Variants in ATIC observed in about 807,000 individuals in gnomAD.
ATIC encodes bifunctional purine biosynthesis protein ATIC.
Under a neutral mutation model 72.5 loss-of-function variants are expected in ATIC, and 64 were observed. The observed-to-expected ratio is 0.88, with a 90% CI of 0.72 to 1.09. The LOEUF (loss-of-function observed/expected upper bound fraction) is 1.09. Ranked by LOEUF, ATIC falls within the 50% of genes least tolerant of loss-of-function variation. The pLI is 0.00. For synonymous variants in ATIC, 281 were observed against 267.1 expected, an observed-to-expected ratio of 1.05 and a Z score of -0.51; for missense variants, 787 against 732.4, an observed-to-expected ratio of 1.07 and a Z score of -0.86.
rs187808969 is a variant in ATIC, at chr2:215,326,487, G to T, written c.532-335G>T. Among the ~76,000 whole-genome samples, 19 of 152,112 alleles carry T rather than the reference G, an allele frequency of 1.2e-4. No homozygotes were observed. The East Asian group carries it at 3.7e-3, about 29-fold the overall frequency. The stretch of plus-strand genomic sequence containing the variant: ...GAGTGTGGTGTGGTGTGGTACGCCT[G>T]TAATCCCAGCTACTCGGGAGACTGA... On this transcript the variant is annotated intron_variant, in intron 6 of 15. Transcript: ENST00000236959.
the ATIC span, among the ~76,000 whole-genome samples, chr2:215,356,775 C>A: frequency 2.0e-5 from 3 of 152,140 alleles, no homozygotes; most frequent in Non-Finnish European, 4.4e-5. Flanking sequence ...CATGTACATT[C>A]CTTTTATGGT....
intron 7 of ATIC, among the ~76,000 whole-genome samples, chr2:215,327,461 C>A (rs894468545): frequency 6.6e-5 from 10 of 152,122 alleles, no homozygotes; most frequent in African/African-American, 2.4e-4. Flanking sequence ...TAGGCCAAAG[C>A]AGAAATGTGA....
At chr2:215,344,925 T>C in intron 13 of ATIC, 54 bp downstream of exon 13, 1 of 1,523,794 alleles carries the variant, frequency 6.6e-7, no homozygotes, top group Non-Finnish European at 9.1e-7. Context: ...CGAAATGATA[T>C]TTAAACATCC....
At chr2:215,322,399 G>A (rs561048759) in intron 4 of ATIC, among the ~76,000 whole-genome samples, 7 of 146,808 alleles carry the variant, frequency 4.8e-5, no homozygotes, top group South Asian at 2.1e-4. Flanking sequence ...GCGTGATCTC[G>A]GCTCACTGCA....
intron 3 of ATIC, among the ~76,000 whole-genome samples, chr2:215,318,999 G>C (rs2052739508): frequency 6.6e-6 from 1 of 151,570 alleles, no homozygotes; most frequent in East Asian, 2.0e-4. Context: ...TCCCACCTCA[G>C]CCTCCCAAGT....
At chr2:215,353,273 G>A (rs1446952790), downstream of ATIC, among the ~76,000 whole-genome samples, 1 of 151,910 alleles carries the variant, frequency 6.6e-6, no homozygotes, top group African/African-American at 2.4e-5. Flanking sequence ...ACATTGTTTT[G>A]AATGTACGGT....
At chr2:215,338,938 A>G (rs745946959) in intron 12 of ATIC, 31 bp downstream of exon 12, 7 of 1,610,656 alleles carry the variant, frequency 4.3e-6, no homozygotes, top group African/African-American at 2.7e-5. Context: ...ACTGACTGCT[A>G]GTAACTTCCA....
chr2:215,336,248 C>A, intron 11 of ATIC, 124 bp downstream of exon 11: 1 of 784,650 alleles, frequency 1.3e-6, no homozygotes, highest in Non-Finnish European at 2.1e-6. Context: ...TTATTTTCCC[C>A]AATCCTGCAT....
chr2:215,357,669 ATCTTT>A, the ATIC span, among the ~76,000 whole-genome samples: 104 of 151,190 alleles, frequency 6.9e-4, no homozygotes, highest in African/African-American at 2.3e-3. Context: ...TTCAAGTTGA[ATCTTT>A]TATTTTAATG....
At chr2:215,365,218 T>G in the ATIC span, among the ~76,000 whole-genome samples, 765 of 152,300 alleles carry the variant, frequency 5.0e-3, 11 homozygotes, top group Non-Finnish European at 5.5e-3. Flanking sequence ...AATCATATTT[T>G]AAAAGTTGAA....
chr2:215,367,950 C>T, the ATIC span: 1 of 1,614,098 alleles, frequency 6.2e-7, no homozygotes, highest in East Asian at 2.2e-5. Flanking sequence ...CGTTCCCACT[C>T]ATCTCCAACG....
rs1559270969 is a variant in ATIC, at chr2:215,326,844, A to G, written c.554A>G (p.Tyr185Cys). The G allele has an allele frequency of 1.2e-6, 2 of 1,614,030 alleles. No homozygotes were observed. The highest frequency in any genetic ancestry group is 1.3e-5 in the African/African-American group (1 of 74,912). The change falls in exon 7 of 16, where the codon TAT becomes TGT. Residue 185 changes from tyrosine (Y) to cysteine (C), a missense_variant. Tyr to Cys is a radical substitution (Grantham distance 194). Transcript: ENST00000236959. ...TAGGCATTCACTCATACGGCACAAT[A>G]TGATGAAGCAATTTCAGATTATTTC... ...ALKAFTHTAQ[Y>C]DEAISDYFRK...
intron 7 of ATIC, among the ~76,000 whole-genome samples, chr2:215,331,296 A>G (rs926748336): frequency 3.9e-5 from 6 of 151,912 alleles, no homozygotes; most frequent in Non-Finnish European, 5.9e-5. Flanking sequence ...ACATCGTAGT[A>G]GGCAACTCAG....
At chr2:215,361,742 C>T in the ATIC span, 1 of 1,026,754 alleles carries the variant, frequency 9.7e-7, no homozygotes, top group African/African-American at 1.6e-5. Flanking sequence ...GATAATATTT[C>T]TTCCTAGTTT....
chr2:215,347,656 G>A, intron 14 of ATIC: 1 of 489,164 alleles, frequency 2.0e-6, no homozygotes, highest in South Asian at 1.5e-5. Context: ...TGAAGAGTGA[G>A]GCTGCAGAAT....
the ATIC span, chr2:215,361,738 A>G: frequency 9.8e-7 from 1 of 1,025,570 alleles, no homozygotes; most frequent in Non-Finnish European, 1.5e-6. Context: ...ATAGGATAAT[A>G]TTTCTTCCTA....
In ATIC at chr2:215,332,393, G is replaced by A; in HGVS notation, c.700G>A (p.Ala234Thr). ...ATTTTTACATTTAGTTCTAAATGGAGCCCCTGGATTTATAAACTTGTGCGA... is the reference window on the plus strand; with the variant it reads ...ATTTTTACATTTAGTTCTAAATGGAACCCCTGGATTTATAAACTTGTGCGA... Reference protein sequence around the residue: ...PKLPITVLNGAPGFINLCDAL... With the variant: ...PKLPITVLNGTPGFINLCDAL... The change falls in exon 8 of 16, where the codon GCC (alanine) becomes ACC (threonine). Residue 234 changes from alanine to threonine, a missense_variant. Physicochemically the swap from Ala to Thr is moderately conservative, Grantham distance 58. Coordinates refer to ENST00000236959, the MANE Select transcript of ATIC (RefSeq NM_004044.7). 1 of 1,614,000 alleles carries A rather than the reference G, an allele frequency of 6.2e-7. No homozygotes were observed. Among genetic ancestry groups the A allele is most frequent in the Non-Finnish European group, 8.5e-7 (1 of 1,180,018 alleles).
At chr2:215,335,047 G>A (rs2052939793) in intron 10 of ATIC, 43 bp downstream of exon 10, 3 of 1,427,392 alleles carry the variant, frequency 2.1e-6, no homozygotes, top group East Asian at 4.6e-5. Context: ...GTTGAATAAA[G>A]CTTTATTTGT....
intron 11 of ATIC, among the ~76,000 whole-genome samples, chr2:215,336,744 C>A (rs1440143554): frequency 6.6e-6 from 1 of 152,152 alleles, no homozygotes; most frequent in Non-Finnish European, 1.5e-5. Flanking sequence ...ACTACAAATA[C>A]CCCTGCAGTG....
Sources: allele counts gnomAD v4.1 joint callset (sites outside exome capture counted in the v4.1 genomes callset), GRCh38; gene constraint gnomAD v4.1.1; transcripts MANE v1.5; gene names NCBI Gene and HGNC (gene_info 2026-07-23, HGNC 2026-07-21).